The following RNGTT variants were observed in gnomAD, a reference collection of about 807,000 sequenced individuals.
RNGTT encodes RNA guanylyltransferase and 5'-phosphatase.
Under a neutral mutation model 79.3 loss-of-function variants are expected in RNGTT, and 33 were observed. That is an observed-to-expected ratio of 0.42 (90% CI 0.32 to 0.56). The LOEUF (loss-of-function observed/expected upper bound fraction) is 0.56. Ranked by LOEUF, RNGTT falls within the 20% of genes least tolerant of loss-of-function variation. The pLI is 0.17. For synonymous variants in RNGTT, 222 were observed against 235.9 expected, an observed-to-expected ratio of 0.94 and a Z score of 0.54; for missense variants, 497 against 739.1, an observed-to-expected ratio of 0.67 and a Z score of 3.80.
Position 88,814,109 on chromosome 6 carries a change from A to G in RNGTT, c.1270-12477T>C, listed in dbSNP as rs146496955. Among the ~76,000 whole-genome samples the G allele has an allele frequency of 7.9e-5, 12 of 152,324 alleles. No individual in the cohort carries two copies. The East Asian group carries it at 2.3e-3, about 29-fold the overall frequency. On this transcript the variant is annotated intron_variant, in intron 11 of 15. Coordinates refer to ENST00000369485, the MANE Select transcript of RNGTT (RefSeq NM_003800.5). ...AGGTTTTATAAAATGAAAACATAAA[A>G]AACTGTTAGAGAAGTTTAAAAGTTG... is the stretch of plus-strand genomic sequence containing the variant.
At chr6:88,690,304 T>C (rs1775432230) in intron 13 of RNGTT, among the ~76,000 whole-genome samples, 1 of 152,090 alleles carries the variant, frequency 6.6e-6, no homozygotes, top group Non-Finnish European at 1.5e-5. Flanking sequence ...AAATGTCCTA[T>C]GGTTATGTAA....
chr6:88,726,874 T>C (rs1223077998), intron 13 of RNGTT, among the ~76,000 whole-genome samples: 2 of 152,146 alleles, frequency 1.3e-5, no homozygotes, highest in Non-Finnish European at 2.9e-5. Flanking sequence ...TAAAGTTTGC[T>C]AAAAGTTAAC....
intron 13 of RNGTT, among the ~76,000 whole-genome samples, chr6:88,760,584 T>TA (rs1778183153): frequency 6.6e-6 from 1 of 152,182 alleles, no homozygotes; most frequent in Non-Finnish European, 1.5e-5. Flanking sequence ...CCAAATAGCT[T>TA]AGTCATTAAG....
chr6:88,708,492 A>C (rs900275442), intron 13 of RNGTT, among the ~76,000 whole-genome samples: 1 of 151,698 alleles, frequency 6.6e-6, no homozygotes, highest in Non-Finnish European at 1.5e-5. Flanking sequence ...CCCCTGACTA[A>C]GTGGCTATTG....
At chr6:88,950,279 T>C (rs1264315271) in intron 1 of RNGTT, among the ~76,000 whole-genome samples, 1 of 152,164 alleles carries the variant, frequency 6.6e-6, no homozygotes, top group African/African-American at 2.4e-5. Context: ...ACAGGGAGAT[T>C]AATGTTGGTT....
chr6:88,714,712 G>A lies in RNGTT; in HGVS notation c.1440-36293C>T, dbSNP rs1373571375. 4.5e-5 allele frequency among the ~76,000 whole-genome samples: 4 copies of A among 89,760 alleles called. 1 individual carries two copies. The highest frequency in any genetic ancestry group is 1.9e-5 in the Non-Finnish European group (1 of 52,428). 58.9% of individuals were successfully genotyped at this position (89,760 alleles called of 152,430 possible). A position where few individuals can be genotyped will look rare whatever the true frequency, so the allele number is the denominator to read the frequency against. On this transcript the variant is annotated intron_variant, in intron 13 of 15. Coordinates refer to ENST00000369485, the MANE Select transcript of RNGTT (RefSeq NM_003800.5). ...CCGCCTCGGCCTCCCAAAGTGCTGG[G>A]ATTACAGGCGTGAGCCACCGCGCCC...
chr6:88,864,488 T>C (rs1037766202), intron 8 of RNGTT, among the ~76,000 whole-genome samples: 1 of 152,134 alleles, frequency 6.6e-6, no homozygotes, highest in Non-Finnish European at 1.5e-5. Flanking sequence ...TAGAAAATTA[T>C]ATGGCACTCT....
At chr6:88,890,617 T>C (rs759051848) in intron 7 of RNGTT, 21 bp from the exon 8 acceptor site, 2 of 1,543,236 alleles carry the variant, frequency 1.3e-6, no homozygotes, top group South Asian at 1.1e-5. Context: ...AACACAGTAT[T>C]ACTATCGTGG....
At chr6:88,809,762 T>A (rs536536429) in intron 11 of RNGTT, among the ~76,000 whole-genome samples, 1 of 151,694 alleles carries the variant, frequency 6.6e-6, no homozygotes, top group Non-Finnish European at 1.5e-5. Flanking sequence ...AAAAAGAAGA[T>A]CAATGACCAG....
chr6:88,827,421 T>C (rs1780706942), intron 11 of RNGTT, among the ~76,000 whole-genome samples: 1 of 152,170 alleles, frequency 6.6e-6, no homozygotes, highest in Non-Finnish European at 1.5e-5. Context: ...CTCGGATGCC[T>C]ACGCCACCAG....
intron 11 of RNGTT, 81 bp from the exon 12 acceptor site, chr6:88,801,713 A>C: frequency 1.1e-6 from 1 of 882,204 alleles, no homozygotes; most frequent in Admixed American, 2.1e-5. Context: ...AAGCTTTATA[A>C]AAACTTCTTA....
At chr6:88,844,015 T>C (rs1157372975) in intron 11 of RNGTT, among the ~76,000 whole-genome samples, 1 of 151,646 alleles carries the variant, frequency 6.6e-6, no homozygotes, top group African/African-American at 2.4e-5. Context: ...ACCAAACACT[T>C]TACCTTCAGG....
At position 88,614,191 on chromosome 6, in the gene RNGTT, C is replaced by A. The variant is rs575537387; in HGVS notation, c.1630+81G>T. The A allele has an allele frequency of 1.1e-5, 16 of 1,396,444 alleles. No homozygotes were observed. In the East Asian group the frequency reaches 3.5e-4, roughly 30 times the overall value. 86.5% of individuals were successfully genotyped at this position (1,396,444 alleles called of 1,614,324 possible). A position where few individuals can be genotyped will look rare whatever the true frequency, so the allele number is the denominator to read the frequency against. ...AATGACTATGCCCCATTAAGCAAAA[C>A]AACAAAGGCAGCACACTTTGGGTCT... is the stretch of plus-strand genomic sequence containing the variant. On this transcript the variant is annotated intron_variant, in intron 15 of 15. Transcript: ENST00000369485.
chr6:88,814,455 C>T (rs572232905), intron 11 of RNGTT, among the ~76,000 whole-genome samples: 2 of 152,220 alleles, frequency 1.3e-5, no homozygotes, highest in South Asian at 4.2e-4. Flanking sequence ...CTTTTAAAGC[C>T]CTTTTTTTCC....
At chr6:88,703,017 G>A (rs2127802726) in intron 13 of RNGTT, among the ~76,000 whole-genome samples, 1 of 152,180 alleles carries the variant, frequency 6.6e-6, no homozygotes, top group Non-Finnish European at 1.5e-5. Context: ...TCTCACACCA[G>A]TAAGAACAAC....
intron 4 of RNGTT, among the ~76,000 whole-genome samples, chr6:88,927,312 A>G (rs1784352924): frequency 6.6e-6 from 1 of 151,926 alleles, no homozygotes; most frequent in African/African-American, 2.4e-5. Flanking sequence ...AGATCACCCG[A>G]GGCCAGGAGT....
In RNGTT at chr6:88,630,401, T is replaced by A. The variant is rs116259630; in HGVS notation, c.1507-16006A>T. Among the ~76,000 whole-genome samples, 342 of 152,310 alleles carry A rather than the reference T, an allele frequency of 2.2e-3. 1 individual carries two copies. The highest frequency in any genetic ancestry group is 8.0e-3 in the African/African-American group (333 of 41,568). On this transcript the variant is annotated intron_variant, in intron 14 of 15. Coordinates refer to ENST00000369485, the MANE Select transcript of RNGTT (RefSeq NM_003800.5). ...TTTTGGAATATTCCAGGGACCACAGTCCTTCAAATCCTACCATCTAATTGG... is the reference window on the plus strand; with the variant it reads ...TTTTGGAATATTCCAGGGACCACAGACCTTCAAATCCTACCATCTAATTGG...
intron 14 of RNGTT, among the ~76,000 whole-genome samples, chr6:88,640,095 G>A: frequency 6.6e-6 from 1 of 152,106 alleles, no homozygotes; most frequent in Non-Finnish European, 1.5e-5. Context: ...CCCCTATGCT[G>A]TAGACATTAA....
intron 8 of RNGTT, among the ~76,000 whole-genome samples, chr6:88,880,946 C>T (rs894500839): frequency 6.6e-6 from 1 of 152,022 alleles, no homozygotes; most frequent in Non-Finnish European, 1.5e-5. Context: ...TGTGAAAAAG[C>T]AGATTTCACA....
Sources: gnomAD v4.1 joint callset for allele counts (sites outside exome capture counted in the v4.1 genomes callset) on GRCh38, gnomAD v4.1.1 for gene constraint, MANE v1.5 for transcripts, NCBI Gene and HGNC (gene_info 2026-07-23, HGNC 2026-07-21) for gene names.